Variants in SLC25A14 observed in about 807,000 individuals in gnomAD.
The protein encoded by SLC25A14 is brain mitochondrial carrier protein 1.
Under a neutral mutation model 28.1 loss-of-function variants are expected in SLC25A14, and 8 were observed. The ratio of observed to expected loss-of-function variants is 0.28; its 90% CI spans 0.17 to 0.51. SLC25A14 has a LOEUF of 0.51. Among genes scored for constraint, SLC25A14 ranks in the 20% least tolerant of loss-of-function variants. The probability of loss-of-function intolerance (pLI) is 0.97; values close to 1 mark genes in which losing one functional copy is unlikely to be tolerated. For synonymous variants in SLC25A14, 74 were observed against 90.6 expected (o/e 0.82, Z 1.04); for missense variants, 135 against 263.8 (o/e 0.51, Z 3.38).
intron 7 of SLC25A14, among the ~76,000 whole-genome samples, chrX:130,361,137 A>G (rs1279780458): frequency 8.9e-6 from 1 of 112,613 alleles, no homozygotes; most frequent in Non-Finnish European, 1.9e-5. Context: ...GCTGAATAAT[A>G]TTCCATTGTA....
intron 4 of SLC25A14, among the ~76,000 whole-genome samples, chrX:130,349,019 C>T (rs2033543446): frequency 9.2e-6 from 1 of 108,754 alleles, no homozygotes; most frequent in Non-Finnish European, 1.9e-5. Context: ...TGGTTTGATT[C>T]CATTATTGTC....
intron 7 of SLC25A14, among the ~76,000 whole-genome samples, chrX:130,364,084 G>A (rs2034051725): frequency 9.0e-6 from 1 of 111,483 alleles, no homozygotes; most frequent in African/African-American, 3.3e-5. Flanking sequence ...GGTATGAAGT[G>A]GTATGTCCTT....
rs896060324 is a variant in SLC25A14, at chrX:130,364,661, G to A, written c.628G>A (p.Val210Ile). The A allele has an allele frequency of 5.0e-6, 6 of 1,207,557 alleles. No individual in the cohort carries two copies. Among genetic ancestry groups the A allele is most frequent in the South Asian group, 1.8e-5 (1 of 56,805 alleles). The change falls in exon 8 of 11, where the codon GTT becomes ATT. Residue 210 changes from valine to isoleucine, a missense_variant. Physicochemically the swap from Val to Ile is conservative, Grantham distance 29. Transcript: ENST00000545805. ...TCCAACTGCTCAGCGTGCTGCCATC[G>A]TTGTAGGAGTAGAGCTACCAGTCTA... ...VVPTAQRAAI[V>I]VGVELPVYDI... is the part of the protein sequence containing the mutation.
At chrX:130,371,281 G>A (rs938662186) in intron 9 of SLC25A14, among the ~76,000 whole-genome samples, 1 of 111,545 alleles carries the variant, frequency 9.0e-6, no homozygotes, top group Non-Finnish European at 1.9e-5. Context: ...TGGAGGTAGG[G>A]TTCATTGGGG....
intron 10 of SLC25A14, 68 bp from the exon 11 acceptor site, chrX:130,372,841 A>C: frequency 1.4e-6 from 1 of 719,648 alleles, no homozygotes. Context: ...AGAGAATGCG[A>C]TGCTAATTTT....
At chrX:130,349,122 G>T in intron 4 of SLC25A14, 129 bp from the exon 5 acceptor site, 3 of 318,510 alleles carry the variant, frequency 9.4e-6, no homozygotes, top group Non-Finnish European at 1.1e-5. Context: ...AGTGTTTCAT[G>T]AGTGCTTGAA....
At chrX:130,360,095 C>T (rs1373692462) in intron 7 of SLC25A14, among the ~76,000 whole-genome samples, 1 of 96,171 alleles carries the variant, frequency 1.0e-5, no homozygotes, top group Non-Finnish European at 2.1e-5. Flanking sequence ...TTTTTTTTGA[C>T]AGGGTCTCAC....
At chrX:130,372,587 C>T (rs991222317) in intron 10 of SLC25A14, among the ~76,000 whole-genome samples, 2 of 108,872 alleles carry the variant, frequency 1.8e-5, no homozygotes, top group Non-Finnish European at 1.9e-5. Context: ...CTCAGCCTCC[C>T]GAGTAGCTGG....
Position 130,339,989 on chromosome X carries a change from T to A in SLC25A14, c.-173+13T>A. On this transcript the variant is annotated intron_variant, in intron 1 of 10. Coordinates refer to ENST00000545805, the MANE Select transcript of SLC25A14 (RefSeq NM_001282195.2). ...TGAGCCCGAGCAGGTGAGGGGGAGC[T>A]CCTGGACTTCCAGGCTGGGGAGCGG... 1.1e-6 allele frequency: 1 copy of A among 924,205 alleles called. No homozygotes were observed. Among genetic ancestry groups the A allele is most frequent in the Non-Finnish European group, 1.3e-6 (1 of 746,919 alleles). The allele number at this position is 924,205 out of a possible 1,213,427, so 76.2% of individuals were successfully genotyped here.
intron 7 of SLC25A14, among the ~76,000 whole-genome samples, chrX:130,362,707 T>C (rs1011936588): frequency 1.8e-5 from 2 of 112,280 alleles, no homozygotes; most frequent in Non-Finnish European, 3.8e-5. Context: ...CATAAGCGTT[T>C]TCTTGTGTCA....
At chrX:130,341,831 A>G (rs755034602) in intron 2 of SLC25A14, among the ~76,000 whole-genome samples, 1 of 112,233 alleles carries the variant, frequency 8.9e-6, no homozygotes, top group African/African-American at 3.2e-5. Flanking sequence ...GGCTTGGGGT[A>G]TTTTACATAA....
intron 7 of SLC25A14, among the ~76,000 whole-genome samples, chrX:130,362,843 G>A (rs754636515): frequency 3.6e-5 from 4 of 112,033 alleles, no homozygotes; most frequent in South Asian, 3.7e-4. Flanking sequence ...ACTTGTAAGC[G>A]AAGGACCACT....
intron 9 of SLC25A14, among the ~76,000 whole-genome samples, chrX:130,371,022 C>T (rs1047797204): frequency 1.8e-5 from 2 of 111,931 alleles, no homozygotes; most frequent in Non-Finnish European, 3.8e-5. Flanking sequence ...ATAGCTGCTT[C>T]AGTGATCACT....
chrX:130,345,376 G>A (rs1045053336), intron 3 of SLC25A14, 101 bp downstream of exon 3: 5 of 518,402 alleles, frequency 9.6e-6, no homozygotes, highest in African/African-American at 7.2e-5. Context: ...TAAGAAGCTC[G>A]CCTTATTTTG....
intron 9 of SLC25A14, among the ~76,000 whole-genome samples, chrX:130,368,023 C>T (rs1426616766): frequency 8.9e-6 from 1 of 112,457 alleles, no homozygotes; most frequent in African/African-American, 3.2e-5. Context: ...TCGTGATCCA[C>T]CCGCCTTGGC....
chrX:130,359,340 G>A (rs1439906671), intron 7 of SLC25A14, among the ~76,000 whole-genome samples: 16 of 82,038 alleles, frequency 2.0e-4, no homozygotes, highest in African/African-American at 6.8e-4. Flanking sequence ...GTGACAGGGC[G>A]AGACTCTGTC....
chrX:130,372,750 C>T (rs1005120916), intron 10 of SLC25A14, among the ~76,000 whole-genome samples, 159 bp from the exon 11 acceptor site: 6 of 111,562 alleles, frequency 5.4e-5, no homozygotes, highest in African/African-American at 1.6e-4. Flanking sequence ...GCGTGAGCCA[C>T]CGCGCCCGGC....
At chrX:130,360,789 A>G (rs2033945099) in intron 7 of SLC25A14, among the ~76,000 whole-genome samples, 2 of 112,290 alleles carry the variant, frequency 1.8e-5, no homozygotes, top group African/African-American at 6.5e-5. Context: ...TGTAGTAAAA[A>G]GTAGACATAA....
intron 9 of SLC25A14, among the ~76,000 whole-genome samples, chrX:130,370,517 A>G (rs1384521955): frequency 8.9e-6 from 1 of 112,209 alleles, no homozygotes; most frequent in Non-Finnish European, 1.9e-5. Context: ...ATAATTTATC[A>G]TTTAATTCTC....
Sources: allele counts gnomAD v4.1 joint callset (sites outside exome capture counted in the v4.1 genomes callset), GRCh38; gene constraint gnomAD v4.1.1; transcripts MANE v1.5; gene names NCBI Gene and HGNC (gene_info 2026-07-23, HGNC 2026-07-21).